Variants in TBATA observed in about 807,000 individuals in gnomAD.
TBATA encodes the protein protein TBATA.
Under a neutral mutation model 38.7 loss-of-function variants are expected in TBATA, and 47 were observed. That is an observed-to-expected ratio of 1.21 (90% CI 0.96 to 1.55). The LOEUF (loss-of-function observed/expected upper bound fraction) is 1.55. Among genes scored for constraint, TBATA ranks in the 40% most tolerant of loss-of-function variants. The pLI, the probability that TBATA is intolerant of heterozygous loss-of-function variation, is 0.00. For missense variants in TBATA, 436 were observed against 435.6 expected, an observed-to-expected ratio of 1.00 and a Z score of -0.01; for synonymous variants, 183 against 170.5, an observed-to-expected ratio of 1.07 and a Z score of -0.57.
intron 3 of TBATA, 113 bp downstream of exon 3, chr10:70,783,226 A>G: frequency 8.0e-7 from 1 of 1,249,366 alleles, no homozygotes; most frequent in Middle Eastern, 1.9e-4. Flanking sequence ...TCCAGTAAGA[A>G]CCACCTCTCT....
At position 70,772,660 on chromosome 10, in the gene TBATA, C is replaced by G. The variant is rs1462560643; in HGVS notation, c.921-94G>C. The G allele has an allele frequency of 5.5e-6, 7 of 1,281,762 alleles. No individual in the cohort carries two copies. In the Admixed American group the frequency reaches 1.0e-4, roughly 19 times the overall value. 79.4% of individuals were successfully genotyped at this position (1,281,762 alleles called of 1,614,324 possible). A position where few individuals can be genotyped will look rare whatever the true frequency, so the allele number is the denominator to read the frequency against. ...AGACAGGGAGGTGGGGAAGGTGGTG[C>G]AGGTGCAGTCAGCTGTCTGCTCCAG... is the stretch of plus-strand genomic sequence containing the variant. On this transcript the variant is annotated intron_variant, in intron 9 of 10. Coordinates refer to ENST00000456372, the MANE Select transcript of TBATA (RefSeq NM_001318241.2).
At position 70,782,276 on chromosome 10, in the gene TBATA, G is replaced by C; in HGVS notation, c.42-240C>G. On this transcript the variant is annotated intron_variant, in intron 3 of 10. Transcript: ENST00000456372. ...TCAGGGAGCTGGCATCCATTTGAGG[G>C]AACTCAGACTCTCCCAGCACCCCAG... The C allele has an allele frequency of 2.0e-6, 3 of 1,483,286 alleles. 1 individual carries two copies. The highest frequency in any genetic ancestry group is 2.4e-5 in the South Asian group (2 of 82,414). The allele number at this position is 1,483,286 out of a possible 1,614,324, so 91.9% of individuals were successfully genotyped here.
At chr10:70,773,812 C>G in intron 9 of TBATA, among the ~76,000 whole-genome samples, 1 of 152,314 alleles carries the variant, frequency 6.6e-6, no homozygotes, top group African/African-American at 2.4e-5. Context: ...TCCCCCAGTT[C>G]GTAATTAATC....
At chr10:70,780,068 T>C (rs2052390318) in intron 4 of TBATA, among the ~76,000 whole-genome samples, 2 of 152,308 alleles carry the variant, frequency 1.3e-5, no homozygotes, top group South Asian at 4.1e-4. Context: ...AAATTGCCGA[T>C]GTGAGTACAA....
Position 70,775,211 on chromosome 10 carries a change from C to T in TBATA, c.753G>A (p.Trp251Ter). The change falls in exon 8 of 11, where the codon TGG becomes TGA. Residue 251 changes from tryptophan (W) to a stop codon, truncating the protein, a stop_gained. Coordinates refer to ENST00000456372, the MANE Select transcript of TBATA (RefSeq NM_001318241.2). LOFTEE classifies it high-confidence loss of function. ...CACCCTTGGGCGGAGCGTAGAGCAG[C>T]CAGAACTGGATTGCGCTTAGCAAGT... is the stretch of plus-strand genomic sequence containing the variant. Reference protein sequence around the residue: ...ETDLLSAIQFWLLYAPPKEKD... With the variant: ...ETDLLSAIQF The T allele has an allele frequency of 6.2e-7, 1 of 1,614,106 alleles. No homozygotes were observed. Among genetic ancestry groups the T allele is most frequent in the Non-Finnish European group, 8.5e-7 (1 of 1,179,950 alleles).
intron 2 of TBATA, among the ~76,000 whole-genome samples, chr10:70,783,755 A>G (rs1844551621): frequency 6.6e-6 from 1 of 152,382 alleles, no homozygotes; most frequent in South Asian, 2.1e-4. Flanking sequence ...ACAATGGGAT[A>G]CTTTATTGCT....
chr10:70,779,266 C>T (rs945861964), intron 5 of TBATA, among the ~76,000 whole-genome samples: 11 of 152,208 alleles, frequency 7.2e-5, no homozygotes. Context: ...AGCACACAAG[C>T]TACTAAATAT....
intron 6 of TBATA, chr10:70,777,644 C>T (rs1009766466): frequency 9.1e-6 from 4 of 438,458 alleles, no homozygotes; most frequent in South Asian, 6.4e-5. Context: ...CAGGGTCGAT[C>T]GCTGGATGCC....
chr10:70,773,995 C>T (rs1843064041), intron 9 of TBATA, among the ~76,000 whole-genome samples: 1 of 152,232 alleles, frequency 6.6e-6, no homozygotes, highest in Non-Finnish European at 1.5e-5. Context: ...TGGGGTGTCC[C>T]CAGCCCTGGC....
At chr10:70,782,531 A>T (rs1331976024) in intron 3 of TBATA, 2 of 1,267,266 alleles carry the variant, frequency 1.6e-6, no homozygotes, top group Non-Finnish European at 1.0e-6. Context: ...CAGCGTCCAG[A>T]GGCCAGAGCT....
In TBATA at chr10:70,784,769, C is replaced by T. The variant is rs923933229; in HGVS notation, c.-269G>A. On this transcript the variant is annotated 5_prime_UTR_variant, in exon 2 of 11. Coordinates refer to ENST00000456372, the MANE Select transcript of TBATA (RefSeq NM_001318241.2). ...AGGATATGTGGAAGCCCCAAATCCT[C>T]CTGCCTATGGGAAAAAGTACTCTTT... is the stretch of plus-strand genomic sequence containing the variant. 6.6e-6 allele frequency: 1 copy of T among 152,160 alleles called. No homozygotes were observed. Among genetic ancestry groups the T allele is most frequent in the East Asian group, 1.9e-4 (1 of 5,196 alleles). 9.4% of individuals were successfully genotyped at this position (152,160 alleles called of 1,614,324 possible). A position where few individuals can be genotyped will look rare whatever the true frequency, so the allele number is the denominator to read the frequency against.
Position 70,783,429 on chromosome 10 carries a change from A to T in TBATA, c.-50T>A, listed in dbSNP as rs766030065. 2.5e-6 allele frequency: 4 copies of T among 1,600,040 alleles called. No individual in the cohort carries two copies. In the Admixed American group the frequency reaches 6.7e-5, roughly 27 times the overall value. On this transcript the variant is annotated 5_prime_UTR_variant, in exon 3 of 11. Coordinates refer to ENST00000456372, the MANE Select transcript of TBATA (RefSeq NM_001318241.2). Reference sequence around the variant, plus strand: ...GCCAGTGCACTTAATACTAGCGTTGAGGATGCAGAACAGGAACTCTCACTT... The same window carrying T: ...GCCAGTGCACTTAATACTAGCGTTGTGGATGCAGAACAGGAACTCTCACTT...
At chr10:70,771,778 C>T (rs1168520502) in intron 10 of TBATA, among the ~76,000 whole-genome samples, 2 of 152,148 alleles carry the variant, frequency 1.3e-5, no homozygotes, top group African/African-American at 2.4e-5. Context: ...CCTTTTCTCT[C>T]CCCTCCAGCC....
At chr10:70,771,585 C>G in intron 10 of TBATA, 124 bp from the exon 11 acceptor site, 1 of 874,972 alleles carries the variant, frequency 1.1e-6, no homozygotes, top group Non-Finnish European at 1.8e-6. Context: ...CTGCTCTCAG[C>G]TCTGCTGGTG....
At chr10:70,784,061 A>G (rs978337156) in intron 2 of TBATA, among the ~76,000 whole-genome samples, 1 of 152,220 alleles carries the variant, frequency 6.6e-6, no homozygotes, top group Non-Finnish European at 1.5e-5. Flanking sequence ...GGTTTAGTTT[A>G]TGTGTGTTCC....
chr10:70,783,050 C>G (rs752384126), intron 3 of TBATA, among the ~76,000 whole-genome samples: 1 of 152,238 alleles, frequency 6.6e-6, no homozygotes, highest in Non-Finnish European at 1.5e-5. Context: ...TCTTCTACCC[C>G]CAAGTAACAG....
In TBATA at chr10:70,781,787, C is replaced by G; in HGVS notation, c.277+14G>C. On this transcript the variant is annotated intron_variant, in intron 4 of 10. Coordinates refer to ENST00000456372, the MANE Select transcript of TBATA (RefSeq NM_001318241.2). ...ATACTCCCTCTGCTCCCACCCCAAC[C>G]AGCCAGGCCCTACCTTGGATGTGGG... The G allele has an allele frequency of 6.2e-7, 1 of 1,610,556 alleles. No homozygotes were observed. The highest frequency in any genetic ancestry group is 1.1e-5 in the South Asian group (1 of 90,976).
At chr10:70,782,530 G>A (rs1354372065) in intron 3 of TBATA, 2 of 1,268,812 alleles carry the variant, frequency 1.6e-6, no homozygotes, top group Non-Finnish European at 1.0e-6. Context: ...TCAGCGTCCA[G>A]AGGCCAGAGC....
chr10:70,782,643 G>A (rs910018140), intron 3 of TBATA: 2 of 985,436 alleles, frequency 2.0e-6, no homozygotes, highest in Non-Finnish European at 1.2e-6. Flanking sequence ...GGCGCTGAGG[G>A]AAGCTTCAAG....
Sources: gnomAD v4.1 joint callset for allele counts (sites outside exome capture counted in the v4.1 genomes callset) on GRCh38, gnomAD v4.1.1 for gene constraint, MANE v1.5 for transcripts, NCBI Gene and HGNC (gene_info 2026-07-23, HGNC 2026-07-21) for gene names.